Variants in SLC6A5 observed in about 807,000 individuals in gnomAD.
SLC6A5 encodes the protein sodium- and chloride-dependent glycine transporter 2.
SLC6A5 carries 58 observed loss-of-function variants against 90.5 expected under a neutral mutation model. The ratio of observed to expected loss-of-function variants is 0.64; its 90% CI spans 0.52 to 0.80. The LOEUF (loss-of-function observed/expected upper bound fraction) is 0.80, where lower values mean the gene tolerates loss of function less well. Ranked by LOEUF, SLC6A5 falls within the 30% of genes least tolerant of loss-of-function variation. The pLI, the probability that SLC6A5 is intolerant of heterozygous loss-of-function variation, is 0.00. For missense variants in SLC6A5, 1,015 were observed against 1,017.6 expected (o/e 1.00, Z 0.03); for synonymous variants, 427 against 401.4 (o/e 1.06, Z -0.76).
chr11:20,610,229 A>C (rs924986609), intron 5 of SLC6A5, among the ~76,000 whole-genome samples: 27 of 152,170 alleles, frequency 1.8e-4, no homozygotes, highest in Admixed American at 5.2e-4. Flanking sequence ...GAGCTCTCTG[A>C]TGAGATGGCC....
rs1853626780 is a variant in SLC6A5, at chr11:20,655,524, G to A, written c.*656G>A. The A allele has an allele frequency of 6.5e-6, 1 of 152,880 alleles. No individual in the cohort carries two copies. The highest frequency in any genetic ancestry group is 2.4e-5 in the African/African-American group (1 of 41,418). The allele number at this position is 152,880 out of a possible 1,614,324, so 9.5% of individuals were successfully genotyped here. ...CAGTCTACACATTGTGACTTTGATT[G>A]AACTGTCAGTTTTCTTCCCTCAACT... On this transcript the variant is annotated 3_prime_UTR_variant, in exon 16 of 16. Coordinates refer to ENST00000525748, the MANE Select transcript of SLC6A5 (RefSeq NM_004211.5).
At chr11:20,640,688 T>G (rs1853295566) in intron 13 of SLC6A5, among the ~76,000 whole-genome samples, 1 of 75,868 alleles carries the variant, frequency 1.3e-5, no homozygotes, top group South Asian at 7.3e-4. Flanking sequence ...CTAACATGAC[T>G]GTTTGAGGTA....
At chr11:20,638,233 T>C (rs1853246943) in intron 12 of SLC6A5, among the ~76,000 whole-genome samples, 1 of 152,204 alleles carries the variant, frequency 6.6e-6, no homozygotes, top group Admixed American at 6.5e-5. Context: ...GCTTGTTATA[T>C]TGATTAGCTC....
rs1484192962 is a variant in SLC6A5, at chr11:20,636,799, GC to G, written c.1738-372del. Reference sequence around the variant, plus strand: ...ACAACCGCAGATCATGCTGACAGGTGCTCAGAGTTTAGTCCTTGGGTGCAAA... The same window carrying G: ...ACAACCGCAGATCATGCTGACAGGTGTCAGAGTTTAGTCCTTGGGTGCAAA... On this transcript the variant is annotated intron_variant, in intron 11 of 15. Coordinates refer to ENST00000525748, the MANE Select transcript of SLC6A5 (RefSeq NM_004211.5). Among the ~76,000 whole-genome samples the G allele has an allele frequency of 3.3e-5, 5 of 152,302 alleles. No individual in the cohort carries two copies. In the East Asian group the frequency reaches 9.7e-4, roughly 29 times the overall value.
chr11:20,619,337 A>C (rs10833366), intron 7 of SLC6A5, among the ~76,000 whole-genome samples: 26,820 of 152,188 alleles, frequency 0.18, 2,626 homozygotes, highest in Non-Finnish European at 0.22. Flanking sequence ...CCCTGGGGAC[A>C]TGGACATTTT....
chr11:20,639,976 G>A (rs557369597), intron 13 of SLC6A5, among the ~76,000 whole-genome samples: 2 of 152,168 alleles, frequency 1.3e-5, no homozygotes, highest in African/African-American at 2.4e-5. Context: ...ACCTGCTGTC[G>A]GAGTTAGGGT....
At chr11:20,605,702 G>A (rs930251035) in intron 3 of SLC6A5, among the ~76,000 whole-genome samples, 1 of 152,242 alleles carries the variant, frequency 6.6e-6, no homozygotes, top group African/African-American at 2.4e-5. Flanking sequence ...CGGGATCTGC[G>A]AAGAGCGGCG....
chr11:20,621,402 C>T (rs1852886032), intron 7 of SLC6A5, among the ~76,000 whole-genome samples: 1 of 152,142 alleles, frequency 6.6e-6, no homozygotes, highest in Non-Finnish European at 1.5e-5. Context: ...GCAGCCAGTT[C>T]TTTCCACTGA....
At position 20,657,949 on chromosome 11, in the gene SLC6A5, T is replaced by G. The variant is rs1405808441; in HGVS notation, c.*3081T>G. ...TTCTTTTTCCTTTATATTTATGTAT[T>G]GCATGAGGTCTGTGGTCAATGCAAA... On this transcript the variant is annotated 3_prime_UTR_variant, in exon 16 of 16. Coordinates refer to ENST00000525748, the MANE Select transcript of SLC6A5 (RefSeq NM_004211.5). 2.0e-5 allele frequency: 3 copies of G among 152,260 alleles called. No homozygotes were observed. Among genetic ancestry groups the G allele is most frequent in the Non-Finnish European group, 4.4e-5 (3 of 68,048 alleles). 9.4% of individuals were successfully genotyped at this position (152,260 alleles called of 1,614,324 possible).
chr11:20,630,795 T>C lies in SLC6A5; in HGVS notation c.1604T>C (p.Ile535Thr). The change falls in exon 10 of 16, where the codon ATT (isoleucine) becomes ACT (threonine). Residue 535 changes from isoleucine to threonine, a missense_variant. Physicochemically the swap from Ile to Thr is moderately conservative, Grantham distance 89 (BLOSUM62 -1). This residue lies in a region of SLC6A5 where 442 missense variants were observed against 494.3 expected (regional missense o/e 0.89). Transcript: ENST00000525748. ...ATGGCCAATGAACGCAAAGTCAACA[T>C]TGAGAATGTGGCAGACCAAGGTACA... ...GFMANERKVN[I>T]ENVADQGPGI... is the part of the protein sequence containing the mutation. 1 of 1,614,188 alleles carries C rather than the reference T, an allele frequency of 6.2e-7. No individual in the cohort carries two copies. The highest frequency in any genetic ancestry group is 8.5e-7 in the Non-Finnish European group (1 of 1,180,018).
At chr11:20,634,130 A>G (rs1853159756) in intron 10 of SLC6A5, among the ~76,000 whole-genome samples, 2 of 152,132 alleles carry the variant, frequency 1.3e-5, no homozygotes, top group East Asian at 1.9e-4. Flanking sequence ...TTGGCCTCCC[A>G]AAGTGTGGGG....
chr11:20,625,962 A>C (rs528735675), intron 7 of SLC6A5, among the ~76,000 whole-genome samples: 15 of 152,342 alleles, frequency 9.8e-5, no homozygotes, highest in Admixed American at 9.8e-4. Flanking sequence ...CTTCATCTTT[A>C]TGCAGCTGAT....
chr11:20,605,274 C>A (rs1000677798), intron 3 of SLC6A5, among the ~76,000 whole-genome samples: 3 of 152,196 alleles, frequency 2.0e-5, no homozygotes, highest in Non-Finnish European at 2.9e-5. Flanking sequence ...CTGCTTCACC[C>A]CATAGGTCAG....
In SLC6A5 at chr11:20,654,921, TC is replaced by T; in HGVS notation, c.*55del. 6.4e-7 allele frequency: 1 copy of T among 1,560,574 alleles called. No homozygotes were observed. On this transcript the variant is annotated 3_prime_UTR_variant, in exon 16 of 16. Transcript: ENST00000525748. ...GATCCTGTTTTTCCTCTCTGCCTCC[TC>T]CTAATGTTTTCCATAGCTCTCCTCC... is the stretch of plus-strand genomic sequence containing the variant.
At chr11:20,618,230 T>C (rs1186661826) in intron 7 of SLC6A5, among the ~76,000 whole-genome samples, 1 of 152,182 alleles carries the variant, frequency 6.6e-6, no homozygotes, top group African/African-American at 2.4e-5. Context: ...CCCTAAACTC[T>C]AGAATTTGTG....
chr11:20,620,974 T>C (rs1346879669), intron 7 of SLC6A5, among the ~76,000 whole-genome samples: 1 of 151,972 alleles, frequency 6.6e-6, no homozygotes, highest in African/African-American at 2.4e-5. Flanking sequence ...TAATTTTTTT[T>C]GTATTTTTAG....
chr11:20,623,207 A>G (rs1174519089), intron 7 of SLC6A5, among the ~76,000 whole-genome samples: 1 of 152,178 alleles, frequency 6.6e-6, no homozygotes, highest in Non-Finnish European at 1.5e-5. Flanking sequence ...AGAGAAAAGG[A>G]GTGCAGTCCA....
At chr11:20,631,687 G>A (rs563364054) in intron 10 of SLC6A5, among the ~76,000 whole-genome samples, 10 of 152,254 alleles carry the variant, frequency 6.6e-5, no homozygotes, top group Middle Eastern at 3.4e-3. Flanking sequence ...TATGGGATGC[G>A]TAGTGTGTTG....
intron 8 of SLC6A5, among the ~76,000 whole-genome samples, chr11:20,627,200 C>T (rs948463495): frequency 8.5e-5 from 13 of 152,150 alleles, no homozygotes; most frequent in African/African-American, 2.7e-4. Context: ...AAACCACAAG[C>T]GATTCTATTT....
Sources: allele counts gnomAD v4.1 joint callset (sites outside exome capture counted in the v4.1 genomes callset), GRCh38; gene constraint gnomAD v4.1.1; regional missense constraint gnomAD v4.1.1; transcripts MANE v1.5; gene names NCBI Gene and HGNC (gene_info 2026-07-23, HGNC 2026-07-21).